The following SLC12A2 variants were observed in gnomAD, a reference collection of about 807,000 sequenced individuals.
SLC12A2 encodes Na-K-2Cl cotransporter 1.
In SLC12A2, 67 loss-of-function variants were observed where a neutral mutation model predicts 136.3. That is an observed-to-expected ratio of 0.49 (90% confidence interval 0.40 to 0.60). SLC12A2 has a LOEUF of 0.60. Among genes scored for constraint, SLC12A2 ranks in the 20% least tolerant of loss-of-function variants. The pLI, the probability that SLC12A2 is intolerant of heterozygous loss-of-function variation, is 0.00. For synonymous variants in SLC12A2, 619 were observed against 562.9 expected, an observed-to-expected ratio of 1.10 and a Z score of -1.41; for missense variants, 1,322 against 1,534.7, an observed-to-expected ratio of 0.86 and a Z score of 2.32.
chr5:128,172,061 G>A (rs573731407), intron 19 of SLC12A2, among the ~76,000 whole-genome samples: 1 of 152,118 alleles, frequency 6.6e-6, no homozygotes, highest in East Asian at 1.9e-4. Flanking sequence ...ATAGCCTGAG[G>A]AAAAATTTTT....
chr5:128,135,019 TTGAC>T (rs1485847031), intron 6 of SLC12A2, among the ~76,000 whole-genome samples: 2 of 152,236 alleles, frequency 1.3e-5, no homozygotes, highest in Middle Eastern at 3.4e-3. Context: ...ATTTTACAAA[TTGAC>T]TGTATGAAAA....
At chr5:128,172,957 AAAAAAC>A (rs1384220855) in intron 19 of SLC12A2, among the ~76,000 whole-genome samples, 1 of 137,306 alleles carries the variant, frequency 7.3e-6, no homozygotes, top group Non-Finnish European at 1.6e-5. Flanking sequence ...AAAAATACAA[AAAAAAC>A]AAAAAACAAA....
chr5:128,141,945 C>T lies in SLC12A2; in HGVS notation c.1737C>T (p.Ser579=), dbSNP rs1407654928. ...ACTTTGATTTTTCATCTTGTGAAAG[C>T]AGTCCTTGTTCCTATGGCCTAATGA... The part of the protein sequence containing the change: ...KLNFDFSSCE[S]SPCSYGLMNN... Residue 579 remains serine, a synonymous_variant, in exon 10 of 27, where the codon AGC becomes AGT. Transcript: ENST00000262461. 2 of 1,613,924 alleles carry T rather than the reference C, an allele frequency of 1.2e-6. No homozygotes were observed. Among genetic ancestry groups the T allele is most frequent in the Non-Finnish European group, 1.7e-6 (2 of 1,179,890 alleles).
At chr5:128,128,409 A>G (rs2617615) in intron 4 of SLC12A2, among the ~76,000 whole-genome samples, 148,442 of 152,180 alleles carry the variant, frequency 0.98, 72,433 homozygotes, top group East Asian at 1. Flanking sequence ...GTAGTTTATG[A>G]CCAATTATGA....
At chr5:128,092,143 T>C (rs542633999) in intron 1 of SLC12A2, among the ~76,000 whole-genome samples, 2 of 152,248 alleles carry the variant, frequency 1.3e-5, no homozygotes, top group Admixed American at 6.5e-5. Flanking sequence ...AACTCCATTC[T>C]AAATAGGTAT....
At chr5:128,133,177 T>G (rs1336253128) in intron 5 of SLC12A2, among the ~76,000 whole-genome samples, 1 of 152,090 alleles carries the variant, frequency 6.6e-6, no homozygotes, top group Non-Finnish European at 1.5e-5. Flanking sequence ...ACTAAAAAAT[T>G]TTTTTGCAAA....
chr5:128,172,678 T>C (rs1763415822), intron 19 of SLC12A2, among the ~76,000 whole-genome samples: 1 of 152,202 alleles, frequency 6.6e-6, no homozygotes, highest in Non-Finnish European at 1.5e-5. Flanking sequence ...ATAAAAACTA[T>C]GGCTGGGCAC....
chr5:128,084,628 A>G lies in SLC12A2; in HGVS notation c.674A>G (p.Asp225Gly). 1 of 1,613,414 alleles carries G rather than the reference A, an allele frequency of 6.2e-7. No individual in the cohort carries two copies. The highest frequency in any genetic ancestry group is 1.1e-5 in the South Asian group (1 of 91,030). ...ACCATGGACGCTGTGCCCAGGATCG[A>G]TCACTACCGGCACACAGCCGCGCAG... ...HNTMDAVPRIDHYRHTAAQLG... is the reference protein window; with the variant it reads ...HNTMDAVPRIGHYRHTAAQLG... The change falls in exon 1 of 27, where the codon GAT becomes GGT. Residue 225 changes from aspartate (D) to glycine (G), a missense_variant. Physicochemically the swap from Asp to Gly is moderately conservative, Grantham distance 94 (BLOSUM62 -1). Transcript: ENST00000262461. This position sits in a 1 kb window ranked among gnomAD's most constrained non-coding sequence, Gnocchi z 5.6.
At chr5:128,164,518 G>C (rs1379383257) in intron 17 of SLC12A2, among the ~76,000 whole-genome samples, 1 of 152,152 alleles carries the variant, frequency 6.6e-6, no homozygotes, top group Non-Finnish European at 1.5e-5. Flanking sequence ...GGTTGCCTCT[G>C]TACAACTAGT....
In SLC12A2 at chr5:128,084,792, T is replaced by G; in HGVS notation, c.756+82T>G. 7.0e-7 allele frequency: 1 copy of G among 1,424,886 alleles called. No individual in the cohort carries two copies. Among genetic ancestry groups the G allele is most frequent in the East Asian group, 2.5e-5 (1 of 39,862 alleles). 88.3% of individuals were successfully genotyped at this position (1,424,886 alleles called of 1,614,324 possible). Reference sequence around the variant, plus strand: ...ATGTGGCTGCAGACTCTTCCCGAGTTGAGGTGGCGGGAGTAGTAGACGTGC... The same window carrying G: ...ATGTGGCTGCAGACTCTTCCCGAGTGGAGGTGGCGGGAGTAGTAGACGTGC... On this transcript the variant is annotated intron_variant, in intron 1 of 26. Transcript: ENST00000262461. The surrounding 1 kb of genome is among the most constrained non-coding windows in gnomAD (Gnocchi z 5.6).
intron 10 of SLC12A2, among the ~76,000 whole-genome samples, chr5:128,144,847 A>G (rs1291376314): frequency 6.6e-6 from 1 of 152,172 alleles, no homozygotes; most frequent in Non-Finnish European, 1.5e-5. Context: ...CATCTTCAAC[A>G]CACACCCCCA....
intron 4 of SLC12A2, among the ~76,000 whole-genome samples, chr5:128,126,966 A>ATATAATTTT: frequency 0.025 from 528 of 21,158 alleles, 68 homozygotes; most frequent in African/African-American, 0.12. Context: ...ATATATATAT[A>ATATAATTTT]TTTTTTTTTT....
chr5:128,135,178 T>G (rs1762146269), intron 6 of SLC12A2, among the ~76,000 whole-genome samples: 1 of 152,058 alleles, frequency 6.6e-6, no homozygotes, highest in South Asian at 2.1e-4. Flanking sequence ...AGATTGTTCT[T>G]TCCTTCCAAT....
rs766697545 is a variant in SLC12A2, at chr5:128,138,585, T to C, written c.1409-12T>C. The C allele has an allele frequency of 6.2e-7, 1 of 1,602,072 alleles. No individual in the cohort carries two copies. ...TCTCCATTAATTGTCAAGAATATTT[T>C]GTTCTCTGCAGCTGAAATATTTAAT... On this transcript the variant is annotated splice_polypyrimidine_tract_variant and intron_variant, in intron 7 of 26. Coordinates refer to ENST00000262461, the MANE Select transcript of SLC12A2 (RefSeq NM_001046.3).
At chr5:128,178,499 T>C (rs1356367480) in intron 21 of SLC12A2, 68 bp from the exon 22 acceptor site, 2 of 1,187,346 alleles carry the variant, frequency 1.7e-6, no homozygotes, top group East Asian at 2.6e-5. Flanking sequence ...TAGGAAATGA[T>C]AGGAATTCAG....
chr5:128,173,493 T>A (rs1289778935), intron 19 of SLC12A2, among the ~76,000 whole-genome samples: 2 of 152,238 alleles, frequency 1.3e-5, no homozygotes, highest in African/African-American at 2.4e-5. Flanking sequence ...TTTGAATGCC[T>A]TATTATTCAT....
chr5:128,162,494 T>C lies in SLC12A2; in HGVS notation c.2616+694T>C, dbSNP rs1229882471. On this transcript the variant is annotated intron_variant, in intron 17 of 26. Transcript: ENST00000262461. ...AAATTTGTTTTGTTTTTAGAAAAAA[T>C]TCTAAAACAATTTTATGACCTTTAG... 2.0e-5 allele frequency among the ~76,000 whole-genome samples: 3 copies of C among 152,128 alleles called. No homozygotes were observed. In the South Asian group the frequency reaches 6.2e-4, roughly 32 times the overall value.
At chr5:128,085,723 G>C (rs1760078423) in intron 1 of SLC12A2, among the ~76,000 whole-genome samples, 1 of 152,164 alleles carries the variant, frequency 6.6e-6, no homozygotes, top group South Asian at 2.1e-4. Flanking sequence ...GTTTGGACAA[G>C]TTTAAATCCA....
intron 7 of SLC12A2, 51 bp from the exon 8 acceptor site, chr5:128,138,546 A>G (rs371405221): frequency 2.0e-6 from 3 of 1,533,246 alleles, no homozygotes; most frequent in South Asian, 2.5e-5. Flanking sequence ...CTCAGTTATT[A>G]TAGTCTAATT....
Sources: gnomAD v4.1 joint callset for allele counts (sites outside exome capture counted in the v4.1 genomes callset) on GRCh38, gnomAD v4.1.1 for gene constraint, Gnocchi (gnomAD v3.1) non-coding constraint, MANE v1.5 for transcripts, NCBI Gene and HGNC (gene_info 2026-07-23, HGNC 2026-07-21) for gene names.